ATP10B: variants seen among roughly 807,000 people sequenced by gnomAD.
ATP10B encodes phospholipid-transporting ATPase VB.
In ATP10B, 122 loss-of-function variants were observed where a neutral mutation model predicts 141.2. The observed-to-expected ratio is 0.86, with a 90% CI of 0.75 to 1.00. The LOEUF (loss-of-function observed/expected upper bound fraction) is 1.00. Ranked by LOEUF, ATP10B falls within the 50% of genes least tolerant of loss-of-function variation. The pLI, the probability that ATP10B is intolerant of heterozygous loss-of-function variation, is 0.00. For missense variants in ATP10B, 1,876 were observed against 1,825.3 expected, an observed-to-expected ratio of 1.03 and a Z score of -0.51; for synonymous variants, 685 against 692.0, an observed-to-expected ratio of 0.99 and a Z score of 0.16.
intron 1 of ATP10B, among the ~76,000 whole-genome samples, chr5:160,820,311 C>T (rs1193971710): frequency 6.6e-6 from 1 of 151,832 alleles, no homozygotes; most frequent in Non-Finnish European, 1.5e-5. Flanking sequence ...ATGCAACCTA[C>T]CAAGAGTCAA....
intron 1 of ATP10B, among the ~76,000 whole-genome samples, chr5:160,820,533 T>A (rs1236185790): frequency 6.6e-6 from 1 of 152,094 alleles, no homozygotes; most frequent in Non-Finnish European, 1.5e-5. Flanking sequence ...ACTTCCAAAC[T>A]CATTCTGTGA....
intron 7 of ATP10B, among the ~76,000 whole-genome samples, chr5:160,659,632 G>T (rs1486399238): frequency 1.3e-5 from 2 of 152,124 alleles, no homozygotes; most frequent in East Asian, 3.9e-4. Flanking sequence ...GGTGTGTGAG[G>T]AGAGTGTGTA....
rs1026161945 is a variant in ATP10B, at chr5:160,602,846, T to C, written c.3238-144A>G. 4.2e-5 allele frequency: 47 copies of C among 1,111,818 alleles called. No individual in the cohort carries two copies. In the African/African-American group the frequency reaches 6.0e-4, roughly 14 times the overall value. The allele number at this position is 1,111,818 out of a possible 1,614,324, so 68.9% of individuals were successfully genotyped here. A position where few individuals can be genotyped will look rare whatever the true frequency, so the allele number is the denominator to read the frequency against. ...TGTTGTGGTCACTCTTGGGTAGCTT[T>C]TTGGATTCTGACACCCCACCCTCCC... is the stretch of plus-strand genomic sequence containing the variant. On this transcript the variant is annotated intron_variant, in intron 20 of 25. Coordinates refer to ENST00000327245, the MANE Select transcript of ATP10B (RefSeq NM_025153.3).
At chr5:160,882,565 G>A in the ATP10B span, among the ~76,000 whole-genome samples, 2 of 151,030 alleles carry the variant, frequency 1.3e-5, no homozygotes, top group African/African-American at 4.8e-5. Flanking sequence ...AATAAGTGTG[G>A]CCATTGTGCC....
rs145299782 is a variant in ATP10B at position 160,677,000 on chromosome 5, A to G, written c.471-6333T>C. Among the ~76,000 whole-genome samples the G allele has an allele frequency of 5.5e-3, 830 of 152,248 alleles. 6 individuals carry two copies. Among genetic ancestry groups the G allele is most frequent in the Non-Finnish European group, 7.4e-3 (503 of 68,008 alleles). On this transcript the variant is annotated intron_variant, in intron 6 of 25. Transcript: ENST00000327245. Reference sequence around the variant, plus strand: ...GGCTCTGTTTTGGAGTGAGGCATGAAGCTGATTGAGCCTCAGAAGAAGGTG... The same window carrying G: ...GGCTCTGTTTTGGAGTGAGGCATGAGGCTGATTGAGCCTCAGAAGAAGGTG...
At chr5:160,753,146 T>A (rs1004456098) in intron 2 of ATP10B, among the ~76,000 whole-genome samples, 4 of 152,220 alleles carry the variant, frequency 2.6e-5, no homozygotes, top group African/African-American at 9.6e-5. Context: ...TTGGACCATT[T>A]TCTGAAGGAA....
the ATP10B span, among the ~76,000 whole-genome samples, chr5:160,890,840 G>T: frequency 3.3e-5 from 5 of 152,272 alleles, no homozygotes; most frequent in East Asian, 9.6e-4. Context: ...TTCCTGAGTA[G>T]CTGGAGCTAC....
chr5:160,906,750 CCTT>C, the ATP10B span, among the ~76,000 whole-genome samples: 10 of 152,194 alleles, frequency 6.6e-5, no homozygotes, highest in East Asian at 1.2e-3. Flanking sequence ...TACCGCCTCT[CCTT>C]CTTCCTCCTG....
At chr5:160,769,323 G>A (rs951633499) in intron 2 of ATP10B, among the ~76,000 whole-genome samples, 16 of 152,274 alleles carry the variant, frequency 1.1e-4, no homozygotes, top group African/African-American at 3.6e-4. Context: ...AGTGAAGTGC[G>A]TGTTACATAA....
chr5:160,876,664 T>A, the ATP10B span, among the ~76,000 whole-genome samples: 45 of 151,230 alleles, frequency 3.0e-4, no homozygotes, highest in South Asian at 8.4e-4. Flanking sequence ...AAAAAGAGAG[T>A]AGAATCAAAT....
intron 7 of ATP10B, among the ~76,000 whole-genome samples, chr5:160,652,711 T>C (rs1383297315): frequency 4.8e-5 from 6 of 125,094 alleles, no homozygotes; most frequent in African/African-American, 1.8e-4. Flanking sequence ...TATACATATA[T>C]AATTTATATA....
chr5:160,719,407 G>T (rs1399736103), intron 2 of ATP10B, among the ~76,000 whole-genome samples: 2 of 152,158 alleles, frequency 1.3e-5, no homozygotes, highest in African/African-American at 4.8e-5. Context: ...CTCAAAAAAA[G>T]TAATGGCAAT....
chr5:160,684,195 G>A (rs1259422909), intron 6 of ATP10B, among the ~76,000 whole-genome samples: 2 of 152,194 alleles, frequency 1.3e-5, no homozygotes, highest in East Asian at 3.8e-4. Flanking sequence ...AGTTAGTGAT[G>A]AAGGAAACGT....
chr5:160,608,083 C>T (rs976062260), intron 18 of ATP10B, among the ~76,000 whole-genome samples: 5 of 152,102 alleles, frequency 3.3e-5, no homozygotes, highest in African/African-American at 1.2e-4. Context: ...CCTCCATCCC[C>T]CCACCCCACG....
chr5:160,837,820 C>G (rs1171524722), intron 1 of ATP10B, among the ~76,000 whole-genome samples: 2 of 152,064 alleles, frequency 1.3e-5, no homozygotes, highest in Non-Finnish European at 2.9e-5. Context: ...CCCATTCTTG[C>G]CCTGGAGATA....
intron 24 of ATP10B, among the ~76,000 whole-genome samples, chr5:160,579,791 C>A (rs1428757929): frequency 6.6e-6 from 1 of 152,192 alleles, no homozygotes; most frequent in East Asian, 1.9e-4. Context: ...TTCTTCCTAT[C>A]CATGAGCATG....
chr5:160,855,071 G>T (rs1291767228), upstream of ATP10B, among the ~76,000 whole-genome samples: 1 of 152,088 alleles, frequency 6.6e-6, no homozygotes, highest in African/African-American at 2.4e-5. Context: ...TGTGTGAATA[G>T]AAGTATTTTT....
chr5:160,736,126 A>G (rs1767099346), intron 2 of ATP10B, among the ~76,000 whole-genome samples: 1 of 152,186 alleles, frequency 6.6e-6, no homozygotes, highest in Non-Finnish European at 1.5e-5. Flanking sequence ...GAAAAGAAAT[A>G]AAGATCAGAG....
In ATP10B at chr5:160,565,331, GGTT is replaced by G; in HGVS notation, c.*119_*121del. 1 of 1,051,518 alleles carries G rather than the reference GGTT, an allele frequency of 9.5e-7. No homozygotes were observed. Among genetic ancestry groups the G allele is most frequent in the Non-Finnish European group, 1.4e-6 (1 of 717,398 alleles). The allele number at this position is 1,051,518 out of a possible 1,614,324, so 65.1% of individuals were successfully genotyped here. ...CCAGCACTTCCTCCATGGAAGTCAA[GGTT>G]GTTGAAGAAAAGAATAAGACTGGCA... On this transcript the variant is annotated 3_prime_UTR_variant, in exon 26 of 26. Transcript: ENST00000327245.
Sources: gnomAD v4.1 joint callset for allele counts (sites outside exome capture counted in the v4.1 genomes callset) on GRCh38, gnomAD v4.1.1 for gene constraint, MANE v1.5 for transcripts, NCBI Gene and HGNC (gene_info 2026-07-23, HGNC 2026-07-21) for gene names.